The following EIPR1 variants were observed in gnomAD, a reference collection of about 807,000 sequenced individuals.
The protein encoded by EIPR1 is EARP and GARP complex-interacting protein 1.
A neutral mutation model predicts 48.1 loss-of-function variants in EIPR1; 25 were observed. The ratio of observed to expected loss-of-function variants is 0.52; its 90% CI spans 0.38 to 0.73. EIPR1 has a LOEUF of 0.73. Among genes scored for constraint, EIPR1 ranks in the 30% least tolerant of loss-of-function variants. The pLI is 0.00. For synonymous variants in EIPR1, 204 were observed against 201.9 expected (o/e 1.01, Z -0.09); for missense variants, 415 against 506.2 (o/e 0.82, Z 1.73).
At position 3,331,246 on chromosome 2, in the gene EIPR1, T is replaced by C. The variant is rs796732831; in HGVS notation, c.259+6771A>G. ...CATGAGATGTGTCAGCAGAGGCAGGTGTGTACACACTCATGAGATGGTGTG... is the reference window on the plus strand; with the variant it reads ...CATGAGATGTGTCAGCAGAGGCAGGCGTGTACACACTCATGAGATGGTGTG... On this transcript the variant is annotated intron_variant, in intron 3 of 8. Coordinates refer to ENST00000382125, the MANE Select transcript of EIPR1 (RefSeq NM_003310.5). Among the ~76,000 whole-genome samples the C allele has an allele frequency of 1.6e-3, 138 of 84,772 alleles. 13 individuals are homozygous for C. Among genetic ancestry groups the C allele is most frequent in the East Asian group, 5.1e-3 (4 of 790 alleles). 55.6% of individuals were successfully genotyped at this position (84,772 alleles called of 152,430 possible).
chr2:3,368,406 C>T (rs1671028350), intron 1 of EIPR1, among the ~76,000 whole-genome samples: 1 of 152,222 alleles, frequency 6.6e-6, no homozygotes, highest in Admixed American at 6.5e-5. Context: ...GCCCAGCTCA[C>T]TTGGCAGCAG....
At chr2:3,260,451 A>G (rs917260754) in intron 3 of EIPR1, among the ~76,000 whole-genome samples, 2 of 140,162 alleles carry the variant, frequency 1.4e-5, no homozygotes, top group Non-Finnish European at 3.1e-5. Context: ...AGATTGTGCC[A>G]CTGCACTACA....
At chr2:3,328,519 T>A (rs1253140016) in intron 3 of EIPR1, among the ~76,000 whole-genome samples, 2 of 101,178 alleles carry the variant, frequency 2.0e-5, no homozygotes, top group East Asian at 5.9e-4. Flanking sequence ...CTCCCCTGAA[T>A]CAGAGCCCAC....
chr2:3,330,378 C>T (rs1055321593), intron 3 of EIPR1, among the ~76,000 whole-genome samples: 13 of 152,274 alleles, frequency 8.5e-5, no homozygotes, highest in South Asian at 4.1e-4. Context: ...CAAAAGGGGA[C>T]ACAATGGAAG....
In EIPR1 at chr2:3,225,762, G is replaced by A. The variant is rs1041463899; in HGVS notation, c.417-11514C>T. Among the ~76,000 whole-genome samples, 31 of 152,242 alleles carry A rather than the reference G, an allele frequency of 2.0e-4. 1 individual carries two copies. Among genetic ancestry groups the A allele is most frequent in the South Asian group, 1.5e-3 (7 of 4,820 alleles). The stretch of plus-strand genomic sequence containing the variant: ...CCAGAATGTATTCATCTTATAAGCT[G>A]AACGTTCCTAACCTTTGACCAGCAC... On this transcript the variant is annotated intron_variant, in intron 4 of 8. Coordinates refer to ENST00000382125, the MANE Select transcript of EIPR1 (RefSeq NM_003310.5).
At chr2:3,269,525 ATCGCACTCAG>A (rs1382148727) in intron 3 of EIPR1, among the ~76,000 whole-genome samples, 48 of 129,336 alleles carry the variant, frequency 3.7e-4, no homozygotes, top group Middle Eastern at 4.5e-3. Flanking sequence ...ACACTCAATC[ATCGCACTCAG>A]TCATCGCACT....
At chr2:3,368,688 T>C (rs1008798593) in intron 1 of EIPR1, among the ~76,000 whole-genome samples, 1 of 152,226 alleles carries the variant, frequency 6.6e-6, no homozygotes, top group Non-Finnish European at 1.5e-5. Flanking sequence ...TTTGAGATAG[T>C]CACAAAGAAC....
At chr2:3,328,647 A>C (rs1473417031) in intron 3 of EIPR1, among the ~76,000 whole-genome samples, 1 of 141,638 alleles carries the variant, frequency 7.1e-6, no homozygotes, top group African/African-American at 2.7e-5. Flanking sequence ...GAGCCCACCC[A>C]CCACGCTCTA....
chr2:3,237,673 G>A (rs980430127), intron 4 of EIPR1, among the ~76,000 whole-genome samples: 1 of 152,164 alleles, frequency 6.6e-6, no homozygotes, highest in East Asian at 1.9e-4. Flanking sequence ...CATGGAACGC[G>A]CTGAGAGGCA....
At chr2:3,329,235 C>T (rs1669808107) in intron 3 of EIPR1, among the ~76,000 whole-genome samples, 2 of 131,262 alleles carry the variant, frequency 1.5e-5, no homozygotes, top group Admixed American at 1.5e-4. Context: ...CTCTAGTGAT[C>T]TCAGGGCACC....
intron 1 of EIPR1, among the ~76,000 whole-genome samples, chr2:3,369,202 G>T (rs924533101): frequency 5.3e-5 from 8 of 152,194 alleles, no homozygotes; most frequent in Admixed American, 1.3e-4. Context: ...CTACCTTAGA[G>T]AATCAATTTC....
chr2:3,313,990 A>T (rs752558844), intron 3 of EIPR1, among the ~76,000 whole-genome samples: 99 of 152,188 alleles, frequency 6.5e-4, no homozygotes, highest in Non-Finnish European at 1.2e-3. Flanking sequence ...AGCCGCTGGG[A>T]CCCGGGGAGG....
intron 3 of EIPR1, among the ~76,000 whole-genome samples, chr2:3,257,743 GT>G (rs1667206226): frequency 6.6e-6 from 1 of 152,028 alleles, no homozygotes; most frequent in Non-Finnish European, 1.5e-5. Flanking sequence ...ATTTCCTTCC[GT>G]TCTTCTTCAA....
intron 1 of EIPR1, among the ~76,000 whole-genome samples, chr2:3,361,035 C>T (rs148054291): frequency 1.3e-5 from 2 of 152,150 alleles, no homozygotes; most frequent in East Asian, 3.9e-4. Flanking sequence ...ACCTAAATAC[C>T]CATTTCTCAT....
chr2:3,202,998 TA>T (rs1665103129), intron 5 of EIPR1, among the ~76,000 whole-genome samples: 1 of 152,116 alleles, frequency 6.6e-6, no homozygotes, highest in Non-Finnish European at 1.5e-5. Context: ...GCTGCCGAGG[TA>T]AATGTGTGCA....
chr2:3,376,015 C>A (rs1659864459), intron 1 of EIPR1, among the ~76,000 whole-genome samples: 3 of 152,240 alleles, frequency 2.0e-5, no homozygotes, highest in East Asian at 1.9e-4. Context: ...TGGCTCATGA[C>A]TATAATCCCA....
intron 4 of EIPR1, among the ~76,000 whole-genome samples, chr2:3,250,922 C>T (rs1365162485): frequency 5.3e-5 from 8 of 152,086 alleles, no homozygotes; most frequent in Non-Finnish European, 8.8e-5. Context: ...GCCTGCAGAA[C>T]CCTGAGCCAA....
At chr2:3,309,975 G>A (rs1041797931) in intron 3 of EIPR1, among the ~76,000 whole-genome samples, 1 of 152,144 alleles carries the variant, frequency 6.6e-6, no homozygotes, top group Non-Finnish European at 1.5e-5. Flanking sequence ...TACGCACAGG[G>A]CAGGGACGCT....
intron 4 of EIPR1, among the ~76,000 whole-genome samples, chr2:3,233,345 G>T (rs779156138): frequency 6.6e-6 from 1 of 152,100 alleles, no homozygotes; most frequent in Non-Finnish European, 1.5e-5. Flanking sequence ...TGCCACTTCA[G>T]TTGTTTCCAA....
Sources: gnomAD v4.1 joint callset for allele counts (sites outside exome capture counted in the v4.1 genomes callset) on GRCh38, gnomAD v4.1.1 for gene constraint, MANE v1.5 for transcripts, NCBI Gene and HGNC (gene_info 2026-07-23, HGNC 2026-07-21) for gene names.